Variants in SLC25A26 observed in about 807,000 individuals in gnomAD.
SLC25A26 encodes the protein solute carrier family 25 member 26.
Under a neutral mutation model 37.8 loss-of-function variants are expected in SLC25A26, and 36 were observed. That is an observed-to-expected ratio of 0.95 (90% confidence interval 0.73 to 1.26). The LOEUF (loss-of-function observed/expected upper bound fraction) is 1.26, where lower values mean the gene tolerates loss of function less well. SLC25A26 is among the 50% of genes most tolerant of loss of function. The pLI is 0.00. For missense variants in SLC25A26, 390 were observed against 331.1 expected (o/e 1.18, Z -1.38); for synonymous variants, 129 against 122.5 (o/e 1.05, Z -0.35).
At chr3:66,350,124 A>G (rs1195397918) in intron 6 of SLC25A26, among the ~76,000 whole-genome samples, 1 of 152,208 alleles carries the variant, frequency 6.6e-6, no homozygotes, top group East Asian at 1.9e-4. Flanking sequence ...ATTGTATTAT[A>G]TGAAAGGATT....
At chr3:66,245,246 T>C (rs2072774472) in intron 3 of SLC25A26, among the ~76,000 whole-genome samples, 1 of 45,490 alleles carries the variant, frequency 2.2e-5, no homozygotes, top group Admixed American at 1.9e-4. Context: ...AACACAGTTA[T>C]GATTAAAAAA....
At chr3:66,280,274 G>A (rs1013779991) in intron 5 of SLC25A26, among the ~76,000 whole-genome samples, 4 of 152,114 alleles carry the variant, frequency 2.6e-5, no homozygotes, top group Non-Finnish European at 5.9e-5. Context: ...AATTTATCCA[G>A]CATCTGCCAT....
chr3:66,351,981 G>T (rs2076463828), intron 6 of SLC25A26, among the ~76,000 whole-genome samples: 2 of 152,024 alleles, frequency 1.3e-5, no homozygotes, highest in Admixed American at 1.3e-4. Context: ...AGGCACAGTG[G>T]CTCATGCCTG....
At chr3:66,317,223 CT>C (rs1307172722) in intron 5 of SLC25A26, among the ~76,000 whole-genome samples, 1 of 152,172 alleles carries the variant, frequency 6.6e-6, no homozygotes, top group East Asian at 1.9e-4. Flanking sequence ...TGCATTGATT[CT>C]TTATCATCTT....
At position 66,243,159 on chromosome 3, in the gene SLC25A26, A is replaced by G. The variant is rs201400824; in HGVS notation, c.191-44A>G. ...AAACATGTTTCTTAACAGTGTGAAT[A>G]TATGTTTAAACTTTGTGAAAGACTG... On this transcript the variant is annotated intron_variant, in intron 2 of 9. Coordinates refer to ENST00000354883, the MANE Select transcript of SLC25A26 (RefSeq NM_001379210.1). 1.3e-4 allele frequency: 121 copies of G among 912,526 alleles called. No individual in the cohort carries two copies. In the East Asian group the frequency reaches 2.1e-3, roughly 16 times the overall value. 56.5% of individuals were successfully genotyped at this position (912,526 alleles called of 1,614,324 possible). A position where few individuals can be genotyped will look rare whatever the true frequency, so the allele number is the denominator to read the frequency against.
chr3:66,370,676 C>G (rs1700300276), intron 9 of SLC25A26, 74 bp downstream of exon 9: 1 of 1,155,628 alleles, frequency 8.7e-7, no homozygotes, highest in African/African-American at 1.5e-5. Flanking sequence ...TTTGGATGAA[C>G]ACCTCTCCTT....
chr3:66,371,596 A>G (rs1399195047), intron 9 of SLC25A26, among the ~76,000 whole-genome samples: 4 of 152,214 alleles, frequency 2.6e-5, no homozygotes, highest in Non-Finnish European at 5.9e-5. Context: ...GGGCAAAGCC[A>G]GAGGAATAAT....
At chr3:66,276,229 A>G (rs763289473) in intron 5 of SLC25A26, among the ~76,000 whole-genome samples, 1 of 152,142 alleles carries the variant, frequency 6.6e-6, no homozygotes, top group African/African-American at 2.4e-5. Context: ...GCCTGTTTGT[A>G]CAGATCATAA....
intron 5 of SLC25A26, among the ~76,000 whole-genome samples, chr3:66,275,002 A>G (rs1408429759): frequency 6.6e-6 from 1 of 152,188 alleles, no homozygotes; most frequent in Non-Finnish European, 1.5e-5. Context: ...GAACCAAGCC[A>G]AATGTCCAAC....
chr3:66,255,832 A>G (rs2073277682), intron 3 of SLC25A26, among the ~76,000 whole-genome samples: 1 of 152,220 alleles, frequency 6.6e-6, no homozygotes, highest in African/African-American at 2.4e-5. Context: ...AGGAAGCAGA[A>G]GCATTACTTT....
intron 1 of SLC25A26, among the ~76,000 whole-genome samples, chr3:66,176,834 A>G (rs1226465742): frequency 6.6e-6 from 1 of 152,150 alleles, no homozygotes; most frequent in East Asian, 1.9e-4. Flanking sequence ...GGAAGGGGTG[A>G]AAGGTGGTGA....
At chr3:66,259,523 C>T (rs2073439459) in intron 3 of SLC25A26, among the ~76,000 whole-genome samples, 1 of 152,130 alleles carries the variant, frequency 6.6e-6, no homozygotes, top group African/African-American at 2.4e-5. Flanking sequence ...ATTATCCAAA[C>T]CAGAAACAGA....
intron 1 of SLC25A26, among the ~76,000 whole-genome samples, chr3:66,190,806 T>A (rs943779471): frequency 1.2e-4 from 19 of 152,256 alleles, no homozygotes; most frequent in Admixed American, 6.5e-5. Flanking sequence ...TTCAATGATA[T>A]CTGCTTTAAC....
At chr3:66,312,562 A>T (rs78118376) in intron 5 of SLC25A26, among the ~76,000 whole-genome samples, 3 of 151,330 alleles carry the variant, frequency 2.0e-5, no homozygotes, top group Non-Finnish European at 4.4e-5. Context: ...AAAAAAAAAA[A>T]CTCCTGCACC....
intron 5 of SLC25A26, among the ~76,000 whole-genome samples, chr3:66,326,965 T>G (rs547062860): frequency 1.0e-3 from 152 of 152,354 alleles, no homozygotes; most frequent in Non-Finnish European, 1.6e-3. Context: ...TGCTGCTTTG[T>G]GGTTTCAGGT....
At chr3:66,220,168 A>G (rs1553657739), upstream of SLC25A26, among the ~76,000 whole-genome samples, 1 of 152,226 alleles carries the variant, frequency 6.6e-6, no homozygotes, top group African/African-American at 2.4e-5. Context: ...CTCTGTAGCC[A>G]CATTGAGTCG....
chr3:66,229,609 G>A (rs971157256), intron 1 of SLC25A26, among the ~76,000 whole-genome samples: 2 of 152,150 alleles, frequency 1.3e-5, no homozygotes, highest in African/African-American at 4.8e-5. Flanking sequence ...AGTTTCCTGA[G>A]GTCTCCCCAG....
chr3:66,370,829 A>G (rs576255280), intron 9 of SLC25A26, among the ~76,000 whole-genome samples: 1 of 152,350 alleles, frequency 6.6e-6, no homozygotes, highest in East Asian at 1.9e-4. Flanking sequence ...TCTTGATGTT[A>G]GATGAAATTC....
chr3:66,238,184 T>C (rs1055666590), intron 2 of SLC25A26, among the ~76,000 whole-genome samples: 5 of 152,174 alleles, frequency 3.3e-5, no homozygotes, highest in Non-Finnish European at 7.3e-5. Context: ...CTTAAACAAA[T>C]ACAGTTGACC....
Sources: allele counts gnomAD v4.1 joint callset (sites outside exome capture counted in the v4.1 genomes callset), GRCh38; gene constraint gnomAD v4.1.1; transcripts MANE v1.5; gene names NCBI Gene and HGNC (gene_info 2026-07-23, HGNC 2026-07-21).